EEF2K: variants seen among roughly 807,000 people sequenced by gnomAD.
EEF2K encodes eukaryotic elongation factor 2 kinase.
Under a neutral mutation model 93.8 loss-of-function variants are expected in EEF2K, and 70 were observed. The ratio of observed to expected loss-of-function variants is 0.75; its 90% confidence interval spans 0.62 to 0.91. The LOEUF (loss-of-function observed/expected upper bound fraction) is 0.91, where lower values mean the gene tolerates loss of function less well. Ranked by LOEUF, EEF2K falls within the 40% of genes least tolerant of loss-of-function variation. The pLI, the probability that EEF2K is intolerant of heterozygous loss-of-function variation, is 0.00. For synonymous variants in EEF2K, 376 were observed against 380.8 expected (o/e 0.99, Z 0.15); for missense variants, 935 against 972.9 (o/e 0.96, Z 0.52).
rs1208826338 is a variant in EEF2K at position 22,283,980 on chromosome 16, C to G, written c.2162C>G (p.Ala721Gly). ...QYYQKAEEAW[A>G]QMEE ...TACCAAAAGGCTGAAGAGGCCTGGG[C>G]CCAGATGGAGGAGTAACCAGGAAAA... Residue 721 changes from alanine to glycine, a missense_variant, in exon 18 of 18, where the codon GCC (alanine) becomes GGC (glycine). Transcript: ENST00000263026. 1 of 1,580,934 alleles carries G rather than the reference C, an allele frequency of 6.3e-7. No individual in the cohort carries two copies. Among genetic ancestry groups the G allele is most frequent in the South Asian group, 1.2e-5 (1 of 86,286 alleles).
At chr16:22,244,864 C>G (rs2047271209) in intron 3 of EEF2K, 134 bp downstream of exon 3, 1 of 859,978 alleles carries the variant, frequency 1.2e-6, no homozygotes, top group Admixed American at 2.3e-5. Context: ...TATTGGCATG[C>G]TAATGCGTGC....
chr16:22,229,319 A>G (rs1017994835), intron 2 of EEF2K, among the ~76,000 whole-genome samples: 18 of 152,192 alleles, frequency 1.2e-4, no homozygotes, highest in Non-Finnish European at 2.4e-4. Flanking sequence ...AAAACAAACA[A>G]AAAAACACTT....
intron 11 of EEF2K, among the ~76,000 whole-genome samples, chr16:22,261,463 C>A (rs1262429330): frequency 1.3e-5 from 2 of 152,016 alleles, no homozygotes; most frequent in African/African-American, 4.8e-5. Context: ...CCAAGGGGGG[C>A]AGATCACTTG....
At chr16:22,213,433 C>T (rs1417538131) in intron 1 of EEF2K, among the ~76,000 whole-genome samples, 2 of 152,176 alleles carry the variant, frequency 1.3e-5, no homozygotes, top group Non-Finnish European at 2.9e-5. Flanking sequence ...CCACTAGATG[C>T]TAGTTGCACC....
At chr16:22,234,054 T>C (rs2047142152) in intron 2 of EEF2K, among the ~76,000 whole-genome samples, 1 of 152,198 alleles carries the variant, frequency 6.6e-6, no homozygotes, top group African/African-American at 2.4e-5. Context: ...TGTGCATGTG[T>C]CTTTGCACCC....
intron 15 of EEF2K, among the ~76,000 whole-genome samples, chr16:22,268,466 G>A (rs1053424350): frequency 7.2e-4 from 109 of 151,298 alleles, no homozygotes; most frequent in Non-Finnish European, 8.3e-4. Context: ...CCACCATGCC[G>A]GACTATTTAT....
chr16:22,257,597 G>C lies in EEF2K; in HGVS notation c.902-46G>C, dbSNP rs201951614. ...TGAGGCCCACCACTGCCTGTCCCCC[G>C]TCACAGAGCAAAGCAACACTCCAGA... is the stretch of plus-strand genomic sequence containing the variant. On this transcript the variant is annotated intron_variant, in intron 8 of 17. Coordinates refer to ENST00000263026, the MANE Select transcript of EEF2K (RefSeq NM_013302.5). 2.5e-6 allele frequency: 4 copies of C among 1,600,812 alleles called. No individual in the cohort carries two copies. In the African/African-American group the frequency reaches 5.3e-5, roughly 21 times the overall value.
chr16:22,250,158 G>A (rs898375576), intron 4 of EEF2K, among the ~76,000 whole-genome samples: 8 of 151,990 alleles, frequency 5.3e-5, no homozygotes, highest in African/African-American at 1.4e-4. Context: ...TGATCCTCTT[G>A]CCTCAGCCTC....
chr16:22,244,113 C>T (rs1457101769), intron 2 of EEF2K, among the ~76,000 whole-genome samples: 1 of 151,716 alleles, frequency 6.6e-6, no homozygotes, highest in Non-Finnish European at 1.5e-5. Flanking sequence ...CCTATAATCT[C>T]AGCTACTTGG....
chr16:22,252,751 A>T (rs2047363432), intron 6 of EEF2K, among the ~76,000 whole-genome samples: 1 of 152,260 alleles, frequency 6.6e-6, no homozygotes, highest in African/African-American at 2.4e-5. Context: ...ATGGACAGAT[A>T]GTTCCATGTG....
At chr16:22,257,839 C>T in intron 9 of EEF2K, 69 bp downstream of exon 9, 1 of 1,577,684 alleles carries the variant, frequency 6.3e-7, no homozygotes, top group Non-Finnish European at 8.6e-7. Flanking sequence ...AGCCCTGCTC[C>T]CCTGTGTGGT....
chr16:22,246,229 G>T (rs2047289482), intron 3 of EEF2K, among the ~76,000 whole-genome samples: 1 of 152,088 alleles, frequency 6.6e-6, no homozygotes, highest in African/African-American at 2.4e-5. Context: ...GTTACAAAGG[G>T]TACAGAAGAA....
At chr16:22,277,213 T>G (rs964655067) in intron 16 of EEF2K, among the ~76,000 whole-genome samples, 5 of 152,332 alleles carry the variant, frequency 3.3e-5, no homozygotes, top group South Asian at 2.1e-4. Context: ...CATAGCTCAC[T>G]GTAGTCTCAA....
At chr16:22,207,813 A>G (rs545383836) in intron 1 of EEF2K, among the ~76,000 whole-genome samples, 2 of 152,312 alleles carry the variant, frequency 1.3e-5, no homozygotes, top group Admixed American at 6.5e-5. Context: ...ATGGGAATAC[A>G]GAGCAAGCAG....
intron 13 of EEF2K, 80 bp from the exon 14 acceptor site, chr16:22,266,310 G>C: frequency 6.5e-7 from 1 of 1,535,016 alleles, no homozygotes. Flanking sequence ...CCAGGCTCCT[G>C]TGTAGTAGGG....
intron 2 of EEF2K, among the ~76,000 whole-genome samples, chr16:22,228,158 T>G (rs1022639602): frequency 6.6e-6 from 1 of 152,050 alleles, no homozygotes; most frequent in South Asian, 2.1e-4. Flanking sequence ...AAACAATACC[T>G]AGTATTGTGT....
intron 1 of EEF2K, among the ~76,000 whole-genome samples, chr16:22,222,702 TAA>T (rs1161314400): frequency 2.4e-3 from 228 of 96,506 alleles, no homozygotes; most frequent in Non-Finnish European, 3.9e-3. Flanking sequence ...ACCCCGTCCC[TAA>T]AAAAAAAAAA....
intron 1 of EEF2K, among the ~76,000 whole-genome samples, chr16:22,223,156 G>A (rs912863781): frequency 6.6e-6 from 1 of 151,730 alleles, no homozygotes; most frequent in African/African-American, 2.4e-5. Flanking sequence ...CTCCCCTAGT[G>A]GTTGTAAGTT....
chr16:22,265,952 C>G (rs1202365173), intron 13 of EEF2K, among the ~76,000 whole-genome samples: 1 of 152,074 alleles, frequency 6.6e-6, no homozygotes, highest in East Asian at 1.9e-4. Flanking sequence ...AGACCCCCAC[C>G]CCCAACCAAA....
Sources: gnomAD v4.1 joint callset for allele counts (sites outside exome capture counted in the v4.1 genomes callset) on GRCh38, gnomAD v4.1.1 for gene constraint, MANE v1.5 for transcripts, NCBI Gene and HGNC (gene_info 2026-07-23, HGNC 2026-07-21) for gene names.